SLC25A12: variants seen among roughly 807,000 people sequenced by gnomAD.
SLC25A12 encodes electrogenic aspartate/glutamate antiporter SLC25A12, mitochondrial.
A neutral mutation model predicts 83.3 loss-of-function variants in SLC25A12; 32 were observed. That is an observed-to-expected ratio of 0.38 (90% CI 0.29 to 0.52). The LOEUF (loss-of-function observed/expected upper bound fraction) is 0.52, where lower values mean the gene tolerates loss of function less well. Ranked by LOEUF, SLC25A12 falls within the 20% of genes least tolerant of loss-of-function variation. SLC25A12 has a pLI of 0.84. For missense variants in SLC25A12, 611 were observed against 835.6 expected (o/e 0.73, Z 3.31); for synonymous variants, 267 against 291.1 (o/e 0.92, Z 0.84).
intron 13 of SLC25A12, 104 bp from the exon 14 acceptor site, chr2:171,793,871 AG>A: frequency 2.2e-6 from 3 of 1,384,932 alleles, no homozygotes; most frequent in Non-Finnish European, 3.1e-6. Context: ...TATCTTGAAA[AG>A]AAGGAGGTGA....
intron 13 of SLC25A12, among the ~76,000 whole-genome samples, chr2:171,797,442 A>G (rs938859071): frequency 6.6e-6 from 1 of 152,222 alleles, no homozygotes; most frequent in African/African-American, 2.4e-5. Flanking sequence ...AGATTAAAAC[A>G]TTGATTGCCT....
intron 3 of SLC25A12, among the ~76,000 whole-genome samples, chr2:171,865,682 C>T (rs1685274599): frequency 6.6e-6 from 1 of 151,038 alleles, no homozygotes; most frequent in South Asian, 2.1e-4. Context: ...ATATTATATA[C>T]ATATATATAA....
At chr2:171,866,863 C>T (rs1216742460) in intron 3 of SLC25A12, among the ~76,000 whole-genome samples, 4 of 151,590 alleles carry the variant, frequency 2.6e-5, no homozygotes, top group Admixed American at 6.6e-5. Context: ...GGAGACGCTC[C>T]TCACTTCCCA....
At chr2:171,788,137 AATT>A (rs891381471) in intron 15 of SLC25A12, 190 bp from the exon 16 acceptor site, 120 of 582,232 alleles carry the variant, frequency 2.1e-4, no homozygotes, top group African/African-American at 2.0e-3. Flanking sequence ...ATCAGGGGAA[AATT>A]ATTATTATTT....
chr2:171,802,183 T>A (rs1268492390), intron 13 of SLC25A12, among the ~76,000 whole-genome samples: 1 of 152,044 alleles, frequency 6.6e-6, no homozygotes, highest in Non-Finnish European at 1.5e-5. Context: ...TTATTATTAT[T>A]TGTAGAGATG....
intron 5 of SLC25A12, among the ~76,000 whole-genome samples, chr2:171,841,339 C>A (rs1009938226): frequency 2.0e-5 from 3 of 152,064 alleles, no homozygotes; most frequent in Non-Finnish European, 4.4e-5. Flanking sequence ...CTTGGCCCCC[C>A]AAAGTGCTGG....
intron 6 of SLC25A12, among the ~76,000 whole-genome samples, chr2:171,836,150 A>G (rs1684552009): frequency 6.7e-6 from 1 of 150,372 alleles, no homozygotes; most frequent in South Asian, 2.2e-4. Flanking sequence ...AGGTGAGGGC[A>G]GGGGAGTGGG....
intron 5 of SLC25A12, among the ~76,000 whole-genome samples, chr2:171,841,593 G>A (rs1056222201): frequency 1.3e-5 from 2 of 151,978 alleles, no homozygotes; most frequent in Non-Finnish European, 1.5e-5. Flanking sequence ...GGCTGGTCTC[G>A]AACTCCTGGA....
At chr2:171,805,609 T>C (rs1045122645) in intron 13 of SLC25A12, among the ~76,000 whole-genome samples, 3 of 152,226 alleles carry the variant, frequency 2.0e-5, no homozygotes, top group African/African-American at 4.8e-5. Context: ...TCAACTCTAG[T>C]TGGGAACAAT....
chr2:171,867,923 C>T (rs1254917792), intron 3 of SLC25A12, among the ~76,000 whole-genome samples: 2 of 152,198 alleles, frequency 1.3e-5, no homozygotes, highest in Admixed American at 1.3e-4. Flanking sequence ...CGGCGCACTG[C>T]AAGCTCTGCC....
intron 3 of SLC25A12, among the ~76,000 whole-genome samples, chr2:171,866,209 T>C (rs1685294471): frequency 7.0e-6 from 1 of 142,710 alleles, no homozygotes; most frequent in Non-Finnish European, 1.5e-5. Context: ...CAGAACAAAA[T>C]GAAAAGTCTC....
intron 2 of SLC25A12, among the ~76,000 whole-genome samples, chr2:171,879,488 T>A (rs756943942): frequency 1.3e-5 from 2 of 152,130 alleles, no homozygotes; most frequent in Non-Finnish European, 2.9e-5. Context: ...TGAAATCAAT[T>A]GAAGCTACCA....
intron 2 of SLC25A12, among the ~76,000 whole-genome samples, chr2:171,879,990 C>CT (rs1469080616): frequency 6.6e-6 from 1 of 152,098 alleles, no homozygotes; most frequent in South Asian, 2.1e-4. Context: ...GATGATAAGA[C>CT]TTTTTTTAGG....
intron 2 of SLC25A12, among the ~76,000 whole-genome samples, chr2:171,887,159 A>T (rs993583282): frequency 2.0e-5 from 3 of 152,256 alleles, no homozygotes; most frequent in Non-Finnish European, 4.4e-5. Flanking sequence ...ATAAAAGAAC[A>T]TATCTTTCTA....
At chr2:171,888,624 A>C (rs958676133) in intron 2 of SLC25A12, among the ~76,000 whole-genome samples, 1 of 148,624 alleles carries the variant, frequency 6.7e-6, no homozygotes, top group African/African-American at 2.5e-5. Flanking sequence ...TATATTTTTT[A>C]TAGAGACAGG....
intron 9 of SLC25A12, among the ~76,000 whole-genome samples, chr2:171,819,065 A>C (rs1684115919): frequency 6.8e-6 from 1 of 147,228 alleles, no homozygotes; most frequent in African/African-American, 2.5e-5. Context: ...AAGCCATGAC[A>C]GTATAGGAGA....
At chr2:171,803,570 T>C (rs1405714205) in intron 13 of SLC25A12, among the ~76,000 whole-genome samples, 2 of 152,270 alleles carry the variant, frequency 1.3e-5, no homozygotes, top group East Asian at 3.9e-4. Context: ...CAATAAGGTA[T>C]CACTTTTCAC....
intron 9 of SLC25A12, among the ~76,000 whole-genome samples, chr2:171,820,792 G>T (rs1490814136): frequency 1.3e-5 from 2 of 150,900 alleles, no homozygotes; most frequent in African/African-American, 4.8e-5. Context: ...ACCAAAATTG[G>T]TCTATAACCT....
At chr2:171,885,588 C>T (rs1297485211) in intron 2 of SLC25A12, among the ~76,000 whole-genome samples, 1 of 152,076 alleles carries the variant, frequency 6.6e-6, no homozygotes, top group South Asian at 2.1e-4. Flanking sequence ...ATGAGAATTG[C>T]TTGAACCCGG....
Sources: allele counts gnomAD v4.1 joint callset (sites outside exome capture counted in the v4.1 genomes callset), GRCh38; gene constraint gnomAD v4.1.1; transcripts MANE v1.5; gene names NCBI Gene and HGNC (gene_info 2026-07-23, HGNC 2026-07-21).